SEMA3A: variants seen among roughly 807,000 people sequenced by gnomAD.
SEMA3A encodes semaphorin 3A.
SEMA3A carries 29 observed loss-of-function variants against 97.9 expected under a neutral mutation model. The observed-to-expected ratio is 0.30, with a 90% CI of 0.22 to 0.40. The LOEUF (loss-of-function observed/expected upper bound fraction) is 0.40, where lower values mean the gene tolerates loss of function less well. Ranked by LOEUF, SEMA3A falls within the 10% of genes least tolerant of loss-of-function variation. The pLI is 1.00. For missense variants in SEMA3A, 763 were observed against 951.3 expected (o/e 0.80, Z 2.60); for synonymous variants, 321 against 323.7 (o/e 0.99, Z 0.09).
At chr7:84,473,489 G>T (rs1005082474) in intron 1 of SEMA3A, among the ~76,000 whole-genome samples, 1 of 151,476 alleles carries the variant, frequency 6.6e-6, no homozygotes. Context: ...CTGCCTCCCT[G>T]GTTTAAGAGA....
intron 13 of SEMA3A, among the ~76,000 whole-genome samples, chr7:83,983,518 T>C (rs1789510116): frequency 6.6e-6 from 1 of 151,134 alleles, no homozygotes; most frequent in Admixed American, 6.6e-5. Flanking sequence ...TATCTAATTA[T>C]GTCATATTCC....
At chr7:84,281,972 C>T (rs1800449488) in intron 3 of SEMA3A, among the ~76,000 whole-genome samples, 1 of 152,052 alleles carries the variant, frequency 6.6e-6, no homozygotes, top group Non-Finnish European at 1.5e-5. Flanking sequence ...ACAGAAATTG[C>T]CATTTATCTG....
At chr7:84,274,696 G>GT (rs879927761) in intron 3 of SEMA3A, among the ~76,000 whole-genome samples, 86 of 151,954 alleles carry the variant, frequency 5.7e-4, no homozygotes, top group African/African-American at 1.2e-3. Flanking sequence ...CCAAAGATAC[G>GT]TTTTTTGTGC....
chr7:84,411,510 T>C (rs1804265785), intron 1 of SEMA3A, among the ~76,000 whole-genome samples: 1 of 151,516 alleles, frequency 6.6e-6, no homozygotes, highest in African/African-American at 2.4e-5. Flanking sequence ...ATTTCAAAAA[T>C]AATAGACTAC....
intron 6 of SEMA3A, among the ~76,000 whole-genome samples, chr7:84,045,142 T>C (rs903002162): frequency 2.6e-5 from 4 of 152,006 alleles, no homozygotes; most frequent in South Asian, 4.1e-4. Flanking sequence ...GTGATTTTTC[T>C]CTAATAACTA....
chr7:84,110,433 T>G, intron 4 of SEMA3A, 37 bp downstream of exon 4: 8 of 1,610,116 alleles, frequency 5.0e-6, no homozygotes, highest in Non-Finnish European at 6.8e-6. Context: ...TAGAAAGGGG[T>G]CATGGACAAA....
chr7:84,014,483 T>C (rs1791013799), intron 6 of SEMA3A, 132 bp from the exon 7 acceptor site: 1 of 694,656 alleles, frequency 1.4e-6, no homozygotes, highest in Non-Finnish European at 2.3e-6. Context: ...TTGTTCATTT[T>C]GTAGGTACAT....
At chr7:84,049,426 C>T (rs1395365521) in intron 5 of SEMA3A, among the ~76,000 whole-genome samples, 1 of 151,952 alleles carries the variant, frequency 6.6e-6, no homozygotes, top group Non-Finnish European at 1.5e-5. Context: ...TGTTGTTTTG[C>T]CCAAAAACAC....
intron 1 of SEMA3A, among the ~76,000 whole-genome samples, chr7:84,400,802 G>T (rs753003724): frequency 3.9e-5 from 6 of 152,162 alleles, no homozygotes; most frequent in Admixed American, 6.5e-5. Flanking sequence ...TGCCACAAAA[G>T]CATTCAATAA....
intron 3 of SEMA3A, among the ~76,000 whole-genome samples, chr7:84,128,227 T>A (rs1452688315): frequency 2.0e-5 from 3 of 151,594 alleles, no homozygotes; most frequent in Non-Finnish European, 4.4e-5. Flanking sequence ...AACCCATATT[T>A]ATTTAAAGGA....
At position 84,002,037 on chromosome 7, in the gene SEMA3A, G is replaced by A. The variant is rs1450292967; in HGVS notation, c.1370C>T (p.Thr457Ile). The A allele has an allele frequency of 6.2e-7, 1 of 1,602,784 alleles. No individual in the cohort carries two copies. Among genetic ancestry groups the A allele is most frequent in the Non-Finnish European group, 8.5e-7 (1 of 1,171,636 alleles). Residue 457 changes from threonine to isoleucine, a missense_variant, in exon 12 of 17, where the codon ACC (threonine) becomes ATC (isoleucine). Around this residue, in one of 2 missense-constraint regions of SEMA3A, gnomAD observed 678 missense variants for 881.3 expected, o/e 0.77. Transcript: ENST00000265362. ...AGGAATTGAAACTACTTTAAGAACG[G>A]TCCCAACATCTTTGAAAGAAAGTGG... is the stretch of plus-strand genomic sequence containing the variant. ...DVMFIGTDVG[T>I]VLKVVSIPKE... is the part of the protein sequence containing the mutation.
chr7:84,017,992 T>A (rs1436224880), intron 6 of SEMA3A, among the ~76,000 whole-genome samples: 1 of 152,170 alleles, frequency 6.6e-6, no homozygotes, highest in Non-Finnish European at 1.5e-5. Context: ...CTGCTATAAA[T>A]TGAAGCTATT....
chr7:84,201,614 T>C (rs1298923258), intron 3 of SEMA3A, among the ~76,000 whole-genome samples: 2 of 152,068 alleles, frequency 1.3e-5, no homozygotes, highest in Non-Finnish European at 2.9e-5. Context: ...CCTTGTTTAT[T>C]AGTTAACAAT....
chr7:84,333,561 A>G (rs1039719243), intron 2 of SEMA3A, among the ~76,000 whole-genome samples: 1 of 152,184 alleles, frequency 6.6e-6, no homozygotes, highest in Non-Finnish European at 1.5e-5. Context: ...AAACTGTTCT[A>G]GCTTGCCAGG....
chr7:84,439,749 A>G lies in SEMA3A; in HGVS notation c.-246+52711T>C, dbSNP rs371606901. ...AGAAATGGGTGAAATGATAGTACAT[A>G]TATAGTACATGTGAGAATTTATGAC... On this transcript the variant is annotated intron_variant, in intron 1 of 3. Transcript: ENST00000424555. Among the ~76,000 whole-genome samples, 106 of 152,344 alleles carry G rather than the reference A, an allele frequency of 7.0e-4. 1 individual carries two copies. The highest frequency in any genetic ancestry group is 2.4e-3 in the African/African-American group (98 of 41,590).
intron 3 of SEMA3A, among the ~76,000 whole-genome samples, chr7:84,116,689 C>T (rs1010610965): frequency 2.6e-5 from 4 of 152,052 alleles, no homozygotes; most frequent in African/African-American, 7.2e-5. Context: ...AAGGAGACAT[C>T]GGGGCATGAG....
rs201159526 is a variant in SEMA3A at position 84,129,722 on chromosome 7, C to CT, written c.271-538dup. On this transcript the variant is annotated intron_variant, in intron 2 of 16. Coordinates refer to ENST00000265362, the MANE Select transcript of SEMA3A (RefSeq NM_006080.3). The stretch of plus-strand genomic sequence containing the variant: ...AAACTTCTCTTTTTTCTCCTCTTGA[C>CT]TTTTTTTTTTTTTTGGAAAGGGAAA... Among the ~76,000 whole-genome samples the CT allele has an allele frequency of 3.0e-3, 399 of 133,642 alleles. 5 individuals are homozygous for CT. In the South Asian group the frequency reaches 0.038, roughly 13 times the overall value. 87.7% of individuals were successfully genotyped at this position (133,642 alleles called of 152,430 possible). A position where few individuals can be genotyped will look rare whatever the true frequency, so the allele number is the denominator to read the frequency against.
chr7:83,987,762 G>A (rs781542748), intron 12 of SEMA3A, among the ~76,000 whole-genome samples: 1 of 151,880 alleles, frequency 6.6e-6, no homozygotes, highest in Non-Finnish European at 1.5e-5. Flanking sequence ...TTATATTTAA[G>A]ATAAAGATAG....
At chr7:84,427,236 G>A (rs1248501938) in intron 1 of SEMA3A, among the ~76,000 whole-genome samples, 1 of 152,024 alleles carries the variant, frequency 6.6e-6, no homozygotes, top group Non-Finnish European at 1.5e-5. Context: ...AATGAAGGGA[G>A]ATATCTATGA....
Sources: allele counts gnomAD v4.1 joint callset (sites outside exome capture counted in the v4.1 genomes callset), GRCh38; gene constraint gnomAD v4.1.1; regional missense constraint gnomAD v4.1.1; transcripts MANE v1.5; gene names NCBI Gene and HGNC (gene_info 2026-07-23, HGNC 2026-07-21).